CHRM2: variants seen among roughly 807,000 people sequenced by gnomAD.
CHRM2 encodes cholinergic receptor muscarinic 2, also known as muscarinic acetylcholine receptor M2.
A neutral mutation model predicts 25.0 loss-of-function variants in CHRM2; 8 were observed. That is an observed-to-expected ratio of 0.32 (90% CI 0.19 to 0.58). The LOEUF (loss-of-function observed/expected upper bound fraction) is 0.58. Among genes scored for constraint, CHRM2 ranks in the 20% least tolerant of loss-of-function variants. The pLI is 0.88. For missense variants in CHRM2, 440 were observed against 567.1 expected (o/e 0.78, Z 2.28); for synonymous variants, 202 against 205.7 (o/e 0.98, Z 0.15).
intron 2 of CHRM2, among the ~76,000 whole-genome samples, chr7:136,981,290 C>T (rs939533433): frequency 4.6e-5 from 7 of 152,140 alleles, no homozygotes; most frequent in Non-Finnish European, 1.0e-4. Flanking sequence ...GTGGTAATAT[C>T]ACATTTATCA....
chr7:136,950,354 C>CT (rs1373915796), intron 2 of CHRM2, among the ~76,000 whole-genome samples: 75 of 152,248 alleles, frequency 4.9e-4, no homozygotes, highest in African/African-American at 1.8e-3. Flanking sequence ...ATGGATCCCC[C>CT]TCCAGGATGC....
At chr7:136,920,433 T>A (rs1252093621) in intron 2 of CHRM2, among the ~76,000 whole-genome samples, 2 of 152,174 alleles carry the variant, frequency 1.3e-5, no homozygotes, top group South Asian at 2.1e-4. Flanking sequence ...GTGTTCATCA[T>A]CAGTGATGAG....
At chr7:136,913,584 A>C (rs1221180630) in intron 2 of CHRM2, among the ~76,000 whole-genome samples, 1 of 150,754 alleles carries the variant, frequency 6.6e-6, no homozygotes, top group Non-Finnish European at 1.5e-5. Context: ...TAATCACCAA[A>C]ATAACCAAAA....
intron 2 of CHRM2, among the ~76,000 whole-genome samples, chr7:136,915,018 C>T (rs2130703636): frequency 6.6e-6 from 1 of 151,862 alleles, no homozygotes; most frequent in South Asian, 2.1e-4. Flanking sequence ...AAAGTGTCAG[C>T]CCTATATGAA....
intron 2 of CHRM2, among the ~76,000 whole-genome samples, chr7:136,905,666 A>C (rs984297221): frequency 7.9e-5 from 12 of 151,752 alleles, no homozygotes; most frequent in African/African-American, 2.9e-4. Context: ...TTTTATAATT[A>C]GAATTTATTT....
chr7:136,945,536 G>A (rs886903716), intron 2 of CHRM2, among the ~76,000 whole-genome samples: 16 of 152,066 alleles, frequency 1.1e-4, no homozygotes, highest in African/African-American at 3.6e-4. Flanking sequence ...TCAGTTGACT[G>A]TAAGTATTTG....
At position 136,929,624 on chromosome 7, in the gene CHRM2, T is replaced by G. The variant is rs142688394; in HGVS notation, c.-125+60206T>G. 4.0e-4 allele frequency among the ~76,000 whole-genome samples: 61 copies of G among 152,144 alleles called. 1 individual carries two copies. In the East Asian group the frequency reaches 0.011, roughly 29 times the overall value. On this transcript the variant is annotated intron_variant, in intron 2 of 3. Transcript: ENST00000680005. Reference sequence around the variant, plus strand: ...CTGTCAATCAGATGTCACCATAAAGTAGAAGGACTTAGTGGATGGGTGACA... The same window carrying G: ...CTGTCAATCAGATGTCACCATAAAGGAGAAGGACTTAGTGGATGGGTGACA...
At chr7:136,956,080 T>C (rs1279779062) in intron 2 of CHRM2, among the ~76,000 whole-genome samples, 2 of 152,212 alleles carry the variant, frequency 1.3e-5, no homozygotes, top group Non-Finnish European at 2.9e-5. Flanking sequence ...CAGTTCACTC[T>C]GATGTATATT....
chr7:137,000,270 C>T (rs1273441767), intron 3 of CHRM2, among the ~76,000 whole-genome samples: 2 of 135,906 alleles, frequency 1.5e-5, no homozygotes, highest in Admixed American at 8.2e-5. Context: ...GCAATCTCGG[C>T]TCACTGCAAC....
intron 2 of CHRM2, among the ~76,000 whole-genome samples, chr7:136,954,057 T>C (rs1380248974): frequency 6.6e-6 from 1 of 152,146 alleles, no homozygotes; most frequent in Non-Finnish European, 1.5e-5. Context: ...CAGATGCTTA[T>C]ATCAGTCCAG....
intron 2 of CHRM2, chr7:136,902,392 G>A (rs1797275049): frequency 1.3e-5 from 2 of 151,952 alleles, no homozygotes; most frequent in Non-Finnish European, 1.5e-5. Context: ...TAAGTGAGAA[G>A]GTAAGCTATA....
intron 2 of CHRM2, chr7:136,938,182 G>A: frequency 1.4e-6 from 1 of 731,256 alleles, no homozygotes; most frequent in Non-Finnish European, 2.5e-6. Context: ...TCTTCTGGAA[G>A]AGTCCATCGC....
At chr7:136,897,245 T>C (rs1381141676) in intron 2 of CHRM2, among the ~76,000 whole-genome samples, 1 of 151,934 alleles carries the variant, frequency 6.6e-6, no homozygotes, top group Non-Finnish European at 1.5e-5. Flanking sequence ...TTGTGAACAT[T>C]TGTGTTTGAG....
At chr7:137,010,470 T>C (rs972443496) in intron 3 of CHRM2, among the ~76,000 whole-genome samples, 2 of 152,060 alleles carry the variant, frequency 1.3e-5, no homozygotes, top group African/African-American at 4.8e-5. Flanking sequence ...TTTATTGCTT[T>C]AACACCACCC....
chr7:136,968,343 T>A (rs1801544173), intron 2 of CHRM2, among the ~76,000 whole-genome samples: 1 of 151,994 alleles, frequency 6.6e-6, no homozygotes, highest in African/African-American at 2.4e-5. Context: ...ATCTGATACT[T>A]GCTAGAATGC....
intron 2 of CHRM2, among the ~76,000 whole-genome samples, chr7:136,921,134 C>T (rs1241594211): frequency 6.6e-6 from 1 of 152,092 alleles, no homozygotes; most frequent in Non-Finnish European, 1.5e-5. Context: ...TTGCTCTTCT[C>T]ACCCCTGTCA....
intron 2 of CHRM2, among the ~76,000 whole-genome samples, chr7:136,917,004 C>T (rs985851345): frequency 1.3e-5 from 2 of 151,850 alleles, no homozygotes; most frequent in African/African-American, 4.8e-5. Flanking sequence ...CATTGACTCC[C>T]GCTCTCCTGA....
chr7:137,004,567 T>C (rs1024111987), intron 3 of CHRM2, among the ~76,000 whole-genome samples: 1 of 152,120 alleles, frequency 6.6e-6, no homozygotes, highest in African/African-American at 2.4e-5. Context: ...GGGCACAGCA[T>C]GTGATGACTT....
intron 2 of CHRM2, among the ~76,000 whole-genome samples, chr7:136,988,874 T>G (rs1403907976): frequency 1.3e-5 from 2 of 152,082 alleles, no homozygotes; most frequent in African/African-American, 4.8e-5. Context: ...CCTATACATA[T>G]ACATATATTT....
Sources: allele counts gnomAD v4.1 joint callset (sites outside exome capture counted in the v4.1 genomes callset), GRCh38; gene constraint gnomAD v4.1.1; transcripts MANE v1.5; gene names NCBI Gene and HGNC (gene_info 2026-07-23, HGNC 2026-07-21).